Variants in SLC22A25 observed in about 807,000 individuals in gnomAD.
SLC22A25 encodes the protein solute carrier family 22 member 25.
Under a neutral mutation model 45.9 loss-of-function variants are expected in SLC22A25, and 44 were observed. The observed-to-expected ratio is 0.96, with a 90% CI of 0.75 to 1.23. The LOEUF (loss-of-function observed/expected upper bound fraction) is 1.23, where lower values mean the gene tolerates loss of function less well. SLC22A25 is among the 50% of genes most tolerant of loss of function. The pLI is 0.00. For synonymous variants in SLC22A25, 283 were observed against 238.6 expected, an observed-to-expected ratio of 1.19 and a Z score of -1.72; for missense variants, 800 against 666.4, an observed-to-expected ratio of 1.20 and a Z score of -2.21.
In SLC22A25 at chr11:63,217,432, G is replaced by A. The variant is rs1221621627; in HGVS notation, c.712C>T (p.Leu238Phe). 4 of 1,614,084 alleles carry A rather than the reference G, an allele frequency of 2.5e-6. No homozygotes were observed. Among genetic ancestry groups the A allele is most frequent in the Non-Finnish European group, 2.5e-6 (3 of 1,180,024 alleles). Reference sequence around the variant, plus strand: ...ATATGTCCAATACTAGCAGCACAAAGTGTCAATGTCAATGCCATGGCACAG... The same window carrying A: ...ATATGTCCAATACTAGCAGCACAAAATGTCAATGTCAATGCCATGGCACAG... ...QFCAMALTLT[L>F]CAASIGHITL... Residue 238 changes from leucine (L) to phenylalanine (F), a missense_variant, in exon 7 of 12, where the codon CTT becomes TTT. Physicochemically the swap from Leu to Phe is conservative, Grantham distance 22. Transcript: ENST00000306494.
At chr11:63,232,466 T>G (rs891669998) in intron 3 of SLC22A25, among the ~76,000 whole-genome samples, 5 of 152,328 alleles carry the variant, frequency 3.3e-5, no homozygotes, top group Non-Finnish European at 2.9e-5. Context: ...ATGCTTGTGA[T>G]TTTTGCACAT....
At chr11:63,199,508 ACC>A (rs1411855751) in intron 7 of SLC22A25, among the ~76,000 whole-genome samples, 3 of 151,980 alleles carry the variant, frequency 2.0e-5, no homozygotes, top group African/African-American at 7.2e-5. Context: ...ATATACTAAG[ACC>A]CTGCTTGAAT....
At chr11:63,230,992 A>G (rs1483300322) in intron 3 of SLC22A25, among the ~76,000 whole-genome samples, 1 of 152,140 alleles carries the variant, frequency 6.6e-6, no homozygotes, top group East Asian at 1.9e-4. Context: ...ATCATTTTTT[A>G]TGGCTGTATA....
chr11:63,209,530 A>G (rs1300093779), intron 7 of SLC22A25, among the ~76,000 whole-genome samples: 1 of 152,138 alleles, frequency 6.6e-6, no homozygotes, highest in Non-Finnish European at 1.5e-5. Flanking sequence ...CCGTTAGAAA[A>G]AAACAGGGAA....
At chr11:63,203,777 G>A (rs1159806087) in intron 7 of SLC22A25, among the ~76,000 whole-genome samples, 1 of 152,040 alleles carries the variant, frequency 6.6e-6, no homozygotes, top group African/African-American at 2.4e-5. Flanking sequence ...AGCAAGACAG[G>A]CCAACATTCA....
Position 63,183,652 on chromosome 11 carries a change from A to G in SLC22A25, c.954+42T>C, listed in dbSNP as rs11820377. On this transcript the variant is annotated intron_variant, in intron 8 of 11. Transcript: ENST00000306494. Reference sequence around the variant, plus strand: ...CACCAACAAGTATAGATGACAATTTATGTCTTCCCAGCATCCCATATCCAG... The same window carrying G: ...CACCAACAAGTATAGATGACAATTTGTGTCTTCCCAGCATCCCATATCCAG... The G allele has an allele frequency of 4.0e-3, 6,455 of 1,610,196 alleles. 220 individuals are homozygous for G. In the African/African-American group the frequency reaches 0.074, roughly 18 times the overall value.
intron 9 of SLC22A25, 44 bp from the exon 10 acceptor site, chr11:63,166,302 C>G (rs2226866): frequency 0.24 from 388,244 of 1,599,876 alleles, 49,411 homozygotes; most frequent in East Asian, 0.38. Flanking sequence ...ATCTGTGGAA[C>G]CTAAATCCTA....
At chr11:63,236,369 C>T (rs2134857415) in intron 3 of SLC22A25, among the ~76,000 whole-genome samples, 1 of 152,308 alleles carries the variant, frequency 6.6e-6, no homozygotes, top group East Asian at 1.9e-4. Flanking sequence ...AGCCTTGCTG[C>T]CACCTTGCAG....
At chr11:63,213,522 A>T (rs1487551932) in intron 7 of SLC22A25, among the ~76,000 whole-genome samples, 6 of 152,174 alleles carry the variant, frequency 3.9e-5, no homozygotes, top group Non-Finnish European at 8.8e-5. Context: ...CCTAGGTCAG[A>T]AGTTAATAGT....
chr11:63,229,161 A>T, intron 4 of SLC22A25, 90 bp downstream of exon 4: 1 of 1,344,174 alleles, frequency 7.4e-7, no homozygotes. Context: ...AAGCACCTAC[A>T]TGTGACTAAA....
Position 63,180,705 on chromosome 11 carries a change from C to G in SLC22A25, c.1025G>C (p.Arg342Pro). The change falls in exon 9 of 12, where the codon CGC becomes CCC. Residue 342 changes from arginine to proline, a missense_variant. Transcript: ENST00000306494. ...QKKHSLCELL[R>P]IPNICKRICF... is the part of the protein sequence containing the mutation. ...GATTCTTTTACATATGTTGGGTATG[C>G]GGAGCAATTCACAAAGAGAATGCTT... 6.2e-7 allele frequency: 1 copy of G among 1,613,072 alleles called. No homozygotes were observed. The highest frequency in any genetic ancestry group is 1.3e-5 in the African/African-American group (1 of 74,984).
chr11:63,234,005 T>G (rs2090118727), intron 3 of SLC22A25, among the ~76,000 whole-genome samples: 1 of 152,246 alleles, frequency 6.6e-6, no homozygotes, highest in African/African-American at 2.4e-5. Flanking sequence ...GAGAGACAGT[T>G]TGTTATAATT....
rs142043328 is a variant in SLC22A25 at position 63,163,657 on chromosome 11, G to A, written c.*167C>T. 9.9e-7 allele frequency: 1 copy of A among 1,011,636 alleles called. No individual in the cohort carries two copies. The highest frequency in any genetic ancestry group is 1.6e-5 in the African/African-American group (1 of 62,320). The allele number at this position is 1,011,636 out of a possible 1,614,324, so 62.7% of individuals were successfully genotyped here. The stretch of plus-strand genomic sequence containing the variant: ...ATTAACCTCCTGGACAGGCTGGGCA[G>A]AGATGGTCTGTGTGATCTAGTGAGG... On this transcript the variant is annotated 3_prime_UTR_variant, in exon 12 of 12. Transcript: ENST00000306494.
At chr11:63,233,255 A>G (rs1288231805) in intron 3 of SLC22A25, among the ~76,000 whole-genome samples, 4 of 152,116 alleles carry the variant, frequency 2.6e-5, no homozygotes, top group African/African-American at 9.7e-5. Flanking sequence ...CTGTGAACCC[A>G]TCTGGTCCTG....
At position 63,217,886 on chromosome 11, in the gene SLC22A25, G is replaced by C. The variant is rs1375384227; in HGVS notation, c.507-151C>G. ...AAGAATCAACAGTTAATCAATGGCA[G>C]GTCTTCTCAGAAGGAATGTTCTCTG... On this transcript the variant is annotated intron_variant, in intron 5 of 11. Coordinates refer to ENST00000306494, the MANE Select transcript of SLC22A25 (RefSeq NM_199352.6). 3 of 944,324 alleles carry C rather than the reference G, an allele frequency of 3.2e-6. No homozygotes were observed. The East Asian group carries it at 7.9e-5, about 25-fold the overall frequency. The allele number at this position is 944,324 out of a possible 1,614,324, so 58.5% of individuals were successfully genotyped here. A position where few individuals can be genotyped will look rare whatever the true frequency, so the allele number is the denominator to read the frequency against.
At chr11:63,166,340 G>C (rs1189876777) in intron 9 of SLC22A25, 82 bp from the exon 10 acceptor site, 19 of 1,526,444 alleles carry the variant, frequency 1.2e-5, no homozygotes, top group South Asian at 2.5e-5. Context: ...GGCCCAGGTA[G>C]CCAAGGACTC....
Position 63,164,035 on chromosome 11 carries a change from A to T in SLC22A25, c.1433T>A (p.Ile478Asn). The T allele has an allele frequency of 6.2e-6, 10 of 1,610,550 alleles. 1 individual carries two copies. Among genetic ancestry groups the T allele is most frequent in the South Asian group, 2.2e-5 (2 of 90,376 alleles). Reference protein sequence around the residue: ...ATGITGNFANIGGALASLMMI... With the variant: ...ATGITGNFANNGGALASLMMI... ...CATGAGGGAAGCCAGGGCTCCCCCA[A>T]TATTAGCAAAGTTTCCAGTGATTCC... The change falls in exon 12 of 12, where the codon ATT (isoleucine) becomes AAT (asparagine). Residue 478 changes from isoleucine (I) to asparagine (N), a missense_variant. Coordinates refer to ENST00000306494, the MANE Select transcript of SLC22A25 (RefSeq NM_199352.6).
chr11:63,228,394 A>T, intron 5 of SLC22A25, 67 bp downstream of exon 5: 1 of 1,276,432 alleles, frequency 7.8e-7, no homozygotes, highest in Non-Finnish European at 1.1e-6. Context: ...AAATATTTCT[A>T]GATGAAAAGT....
At chr11:63,197,892 A>T (rs1403159078) in intron 7 of SLC22A25, among the ~76,000 whole-genome samples, 1 of 151,696 alleles carries the variant, frequency 6.6e-6, no homozygotes, top group African/African-American at 2.4e-5. Context: ...AAATGAAACA[A>T]CCCCGTCAAA....
Sources: gnomAD v4.1 joint callset for allele counts (sites outside exome capture counted in the v4.1 genomes callset) on GRCh38, gnomAD v4.1.1 for gene constraint, MANE v1.5 for transcripts, NCBI Gene and HGNC (gene_info 2026-07-23, HGNC 2026-07-21) for gene names.